The following GABRB3 variants were observed in gnomAD, a reference collection of about 807,000 sequenced individuals.
The protein encoded by GABRB3 is gamma-aminobutyric acid type A receptor subunit beta3, also known as gamma-aminobutyric acid receptor subunit beta-3.
GABRB3 carries 14 observed loss-of-function variants against 52.1 expected under a neutral mutation model. The observed-to-expected ratio is 0.27, with a 90% CI of 0.18 to 0.42. The LOEUF (loss-of-function observed/expected upper bound fraction) is 0.42. GABRB3 is among the 10% of genes least tolerant of loss of function. The pLI is 1.00. For missense variants in GABRB3, 307 were observed against 609.1 expected, an observed-to-expected ratio of 0.50 and a Z score of 5.22; for synonymous variants, 260 against 232.3, an observed-to-expected ratio of 1.12 and a Z score of -1.08.
At chr15:26,755,188 G>C (rs888096698) in intron 3 of GABRB3, among the ~76,000 whole-genome samples, 6 of 151,942 alleles carry the variant, frequency 3.9e-5, no homozygotes, top group African/African-American at 1.4e-4. Flanking sequence ...TGTATTTTTA[G>C]TAGAGATGGG....
At chr15:26,594,310 T>G (rs983641310) in intron 4 of GABRB3, among the ~76,000 whole-genome samples, 8 of 152,024 alleles carry the variant, frequency 5.3e-5, no homozygotes, top group Non-Finnish European at 2.9e-5. Flanking sequence ...ATTTCATCAT[T>G]ATAATGCGGT....
chr15:26,763,728 A>G (rs1890887024), intron 3 of GABRB3, among the ~76,000 whole-genome samples: 1 of 152,164 alleles, frequency 6.6e-6, no homozygotes, highest in Non-Finnish European at 1.5e-5. Context: ...ATAAAATTTA[A>G]AAGAACAGTG....
chr15:26,773,570 G>A, upstream of GABRB3: 1 of 1,247,962 alleles, frequency 8.0e-7, no homozygotes, highest in Non-Finnish European at 1.1e-6. Context: ...CCCGGGTGCC[G>A]CGCCTCTGCC....
intron 3 of GABRB3, among the ~76,000 whole-genome samples, chr15:26,688,292 G>A (rs1398770298): frequency 1.3e-5 from 2 of 152,154 alleles, no homozygotes; most frequent in Non-Finnish European, 2.9e-5. Context: ...AATGCCAGCC[G>A]TGTGCCCTGG....
chr15:26,713,040 G>T (rs1364388128), intron 3 of GABRB3, among the ~76,000 whole-genome samples: 1 of 152,248 alleles, frequency 6.6e-6, no homozygotes, highest in Non-Finnish European at 1.5e-5. Flanking sequence ...CCAGGGTCAG[G>T]TAGGGGTAGA....
chr15:26,772,888 G>GGCGC lies in GABRB3; in HGVS notation c.71_74dup (p.Gln26ArgfsTer71). ...CGGCCCACCCGCGACCCTACCTCTG[G>GGCGC]GCGCAGCACACCACAGCCACCAGCA... On this transcript the variant is annotated frameshift_variant, in exon 1 of 9. Transcript: ENST00000311550. LOFTEE classifies it high-confidence loss of function. The GGCGC allele has an allele frequency of 6.7e-7, 1 of 1,486,692 alleles. No individual in the cohort carries two copies. 92.1% of individuals were successfully genotyped at this position (1,486,692 alleles called of 1,614,324 possible). A position where few individuals can be genotyped will look rare whatever the true frequency, so the allele number is the denominator to read the frequency against.
At chr15:26,659,423 G>A (rs931584749) in intron 3 of GABRB3, among the ~76,000 whole-genome samples, 1 of 152,142 alleles carries the variant, frequency 6.6e-6, no homozygotes, top group Admixed American at 6.6e-5. Flanking sequence ...TTGGGAGGCT[G>A]AGGCAGGAGA....
intron 3 of GABRB3, among the ~76,000 whole-genome samples, chr15:26,722,115 C>T (rs543779727): frequency 1.4e-4 from 22 of 152,228 alleles, no homozygotes; most frequent in African/African-American, 4.6e-4. Flanking sequence ...CACCTAATTT[C>T]CTTCTTTTCT....
intron 3 of GABRB3, among the ~76,000 whole-genome samples, chr15:26,671,204 G>A (rs1472754214): frequency 6.6e-6 from 1 of 152,176 alleles, no homozygotes; most frequent in East Asian, 1.9e-4. Context: ...TGAATAACTG[G>A]TCATTTTCCT....
At chr15:26,736,746 A>G (rs7179968) in intron 3 of GABRB3, among the ~76,000 whole-genome samples, 22,707 of 152,256 alleles carry the variant, frequency 0.15, 2,107 homozygotes, top group East Asian at 0.31. Flanking sequence ...ACATCACACA[A>G]TGTGGGTTCT....
chr15:26,713,806 C>T (rs577222765), intron 3 of GABRB3, among the ~76,000 whole-genome samples: 2 of 152,336 alleles, frequency 1.3e-5, no homozygotes, highest in South Asian at 4.1e-4. Context: ...CCCACTTCTG[C>T]CTCCTTACTG....
intron 3 of GABRB3, among the ~76,000 whole-genome samples, chr15:26,681,963 A>G (rs1888254342): frequency 6.6e-6 from 1 of 152,146 alleles, no homozygotes; most frequent in African/African-American, 2.4e-5. Context: ...GTCTCAAAAA[A>G]AAATTATTAT....
intron 3 of GABRB3, chr15:26,658,329 C>T (rs1260504511): frequency 6.6e-6 from 1 of 152,188 alleles, no homozygotes. Context: ...TAATAAAACT[C>T]CTGTCTCCTG....
At chr15:26,731,446 G>T (rs1275645150) in intron 3 of GABRB3, among the ~76,000 whole-genome samples, 1 of 152,136 alleles carries the variant, frequency 6.6e-6, no homozygotes, top group African/African-American at 2.4e-5. Flanking sequence ...CCTCACTTTG[G>T]AGTCCATACA....
intron 4 of GABRB3, chr15:26,615,962 C>A: frequency 7.8e-7 from 1 of 1,288,998 alleles, no homozygotes; most frequent in Non-Finnish European, 1.0e-6. Flanking sequence ...GCAGGAACAG[C>A]AGGAACAACC....
At chr15:26,650,653 C>G (rs1202104549) in intron 3 of GABRB3, among the ~76,000 whole-genome samples, 1 of 152,052 alleles carries the variant, frequency 6.6e-6, no homozygotes, top group Non-Finnish European at 1.5e-5. Context: ...TCTGATTGAT[C>G]CCCACCCTTC....
In GABRB3 at chr15:26,759,192, G is replaced by A. The variant is rs1431013699; in HGVS notation, c.240+13210C>T. On this transcript the variant is annotated intron_variant, in intron 3 of 8. Transcript: ENST00000311550. ...TACACCTGCAGCGGTTTACTTGCTCGGACTTTATGTATATAAAATTTTTTC... is the reference window on the plus strand; with the variant it reads ...TACACCTGCAGCGGTTTACTTGCTCAGACTTTATGTATATAAAATTTTTTC... Among the ~76,000 whole-genome samples the A allele has an allele frequency of 5.9e-5, 9 of 151,804 alleles. No individual in the cohort carries two copies. In the South Asian group the frequency reaches 6.2e-4, roughly 10 times the overall value.
chr15:26,752,821 C>T (rs1223246624), intron 3 of GABRB3, among the ~76,000 whole-genome samples: 1 of 152,084 alleles, frequency 6.6e-6, no homozygotes, highest in African/African-American at 2.4e-5. Context: ...TCCAGAGCAT[C>T]CTCCTTCCGA....
At chr15:26,548,580 GA>G (rs1889345905) in intron 8 of GABRB3, among the ~76,000 whole-genome samples, 1 of 152,104 alleles carries the variant, frequency 6.6e-6, no homozygotes, top group African/African-American at 2.4e-5. Context: ...TTACTACAGA[GA>G]AACACATGAA....
Sources: gnomAD v4.1 joint callset for allele counts (sites outside exome capture counted in the v4.1 genomes callset) on GRCh38, gnomAD v4.1.1 for gene constraint, MANE v1.5 for transcripts, NCBI Gene and HGNC (gene_info 2026-07-23, HGNC 2026-07-21) for gene names.